Variants in RASA3 observed in about 807,000 individuals in gnomAD.
The protein encoded by RASA3 is ras GTPase-activating protein 3.
In RASA3, 73 loss-of-function variants were observed where a neutral mutation model predicts 110.0. The observed-to-expected ratio is 0.66, with a 90% CI of 0.55 to 0.81. RASA3 has a LOEUF of 0.81. Among genes scored for constraint, RASA3 ranks in the 30% least tolerant of loss-of-function variants. The pLI is 0.00. For synonymous variants in RASA3, 500 were observed against 451.4 expected, an observed-to-expected ratio of 1.11 and a Z score of -1.37; for missense variants, 976 against 1,113.2, an observed-to-expected ratio of 0.88 and a Z score of 1.75.
intron 1 of RASA3, among the ~76,000 whole-genome samples, chr13:114,090,702 G>A (rs1405792861): frequency 2.0e-5 from 3 of 152,218 alleles, no homozygotes; most frequent in Non-Finnish European, 2.9e-5. Context: ...GGGCACGGGC[G>A]TCTCTGCAGC....
At chr13:113,990,612 T>C (rs935444309) in intron 22 of RASA3, among the ~76,000 whole-genome samples, 7 of 152,228 alleles carry the variant, frequency 4.6e-5, no homozygotes, top group African/African-American at 1.7e-4. Context: ...ATCTTCACAG[T>C]ATCCAGGGAC....
At chr13:114,007,351 CCCTCCTGCCCTGCCGG>C (rs2053534624) in intron 18 of RASA3, among the ~76,000 whole-genome samples, 166 bp downstream of exon 18, 2 of 47,856 alleles carry the variant, frequency 4.2e-5, no homozygotes, top group African/African-American at 2.7e-4. Flanking sequence ...CCCTTCTCCC[CCCTCCTGCCCTGCCGG>C]ACGCCACCTT....
At chr13:114,054,798 T>A (rs2079208906) in intron 2 of RASA3, among the ~76,000 whole-genome samples, 1 of 152,378 alleles carries the variant, frequency 6.6e-6, no homozygotes, top group East Asian at 1.9e-4. Context: ...TCCTGGTTAA[T>A]GAAGGCCCAT....
chr13:114,051,954 C>G, intron 3 of RASA3, 98 bp downstream of exon 3: 1 of 953,650 alleles, frequency 1.0e-6, no homozygotes, highest in Non-Finnish European at 1.6e-6. Flanking sequence ...TGCAGCGACC[C>G]CTCAGCACCA....
In RASA3 at chr13:113,978,075, T is replaced by A. The variant is rs1027704619; in HGVS notation, c.*1272A>T. 3.3e-5 allele frequency: 5 copies of A among 152,186 alleles called. No homozygotes were observed. Among genetic ancestry groups the A allele is most frequent in the African/African-American group, 9.7e-5 (4 of 41,430 alleles). 9.4% of individuals were successfully genotyped at this position (152,186 alleles called of 1,614,324 possible). On this transcript the variant is annotated 3_prime_UTR_variant, in exon 24 of 24. Transcript: ENST00000334062. ...TCGTGCTGTGTATTTAAACGGCGCTTCCCACACACCTGCCGTCTGCATCCC... is the reference window on the plus strand; with the variant it reads ...TCGTGCTGTGTATTTAAACGGCGCTACCCACACACCTGCCGTCTGCATCCC...
chr13:113,996,120 C>T (rs117821387), intron 21 of RASA3, among the ~76,000 whole-genome samples: 19,166 of 148,050 alleles, frequency 0.13, 1,675 homozygotes, highest in Middle Eastern at 0.21. Context: ...GATGGGGGGC[C>T]GGGAAGACAA....
intron 12 of RASA3, 69 bp downstream of exon 12, chr13:114,017,168 C>T: frequency 7.2e-7 from 1 of 1,393,872 alleles, no homozygotes; most frequent in Non-Finnish European, 1.0e-6. Flanking sequence ...GATCCCAGTG[C>T]AGTGCCCTCT....
intron 1 of RASA3, among the ~76,000 whole-genome samples, chr13:114,117,751 G>GGGGTGCACGTGTGTGAA (rs2080311205): frequency 7.1e-6 from 1 of 140,556 alleles, no homozygotes; most frequent in Non-Finnish European, 1.5e-5. Context: ...ACGTGTGTGA[G>GGGGTGCACGTGTGTGAA]GGATGCACGT....
chr13:114,087,568 G>A (rs1594441367), intron 1 of RASA3, among the ~76,000 whole-genome samples: 4 of 152,358 alleles, frequency 2.6e-5, no homozygotes, highest in Middle Eastern at 3.4e-3. Flanking sequence ...CACCCGCTCT[G>A]CAGCCCCGGC....
chr13:114,062,694 C>T (rs1457983606), intron 2 of RASA3, among the ~76,000 whole-genome samples: 1 of 152,112 alleles, frequency 6.6e-6, no homozygotes, highest in South Asian at 2.1e-4. Context: ...CTCGGACACG[C>T]GTGCTCACAG....
rs748657787 is a variant in RASA3, at chr13:113,996,676, T to C, written c.1996A>G (p.Lys666Glu). Residue 666 changes from lysine to glutamate, a missense_variant, in exon 21 of 24, where the codon AAG (lysine) becomes GAG (glutamate). Lys to Glu is a moderately conservative substitution (Grantham distance 56). This residue lies in a region of RASA3 where 109 missense variants were observed against 162.5 expected (regional missense o/e 0.67). Coordinates refer to ENST00000334062, the MANE Select transcript of RASA3 (RefSeq NM_007368.4). Reference protein sequence around the residue: ...YIQANNCVEAKDWIDILTKVS... With the variant: ...YIQANNCVEAEDWIDILTKVS... ...TTGGTGAGAATGTCGATCCAGTCCT[T>C]GGCCTCCACGCAGTTGTTGGCCTGG... The C allele has an allele frequency of 9.3e-6, 15 of 1,613,716 alleles. No homozygotes were observed. The Admixed American group carries it at 2.0e-4, about 22-fold the overall frequency.
At chr13:114,052,718 G>C (rs531610272) in intron 2 of RASA3, among the ~76,000 whole-genome samples, 1 of 149,490 alleles carries the variant, frequency 6.7e-6, no homozygotes, top group African/African-American at 2.5e-5. Flanking sequence ...TAGAGTCCTC[G>C]CTCCTGGGGG....
chr13:114,081,219 G>GAGATGCTGC (rs2079784141), intron 1 of RASA3, among the ~76,000 whole-genome samples: 1 of 151,566 alleles, frequency 6.6e-6, no homozygotes, highest in African/African-American at 2.4e-5. Flanking sequence ...GGCCACACAG[G>GAGATGCTGC]AGATGCTGCC....
At position 114,053,012 on chromosome 13, in the gene RASA3, C is replaced by A. The variant is rs376071072; in HGVS notation, c.174-857G>T. Among the ~76,000 whole-genome samples, 59 of 141,158 alleles carry A rather than the reference C, an allele frequency of 4.2e-4. No individual in the cohort carries two copies. The East Asian group carries it at 8.3e-3, about 20-fold the overall frequency. 92.6% of individuals were successfully genotyped at this position (141,158 alleles called of 152,430 possible). On this transcript the variant is annotated intron_variant, in intron 2 of 23. Coordinates refer to ENST00000334062, the MANE Select transcript of RASA3 (RefSeq NM_007368.4). ...AGTCCTCGCTCCTGGGGGAGAGACC[C>A]CCGCTGCTGACTGTGCTTAGAGTCC...
chr13:114,100,423 T>C (rs2080041939), intron 1 of RASA3, among the ~76,000 whole-genome samples: 1 of 152,160 alleles, frequency 6.6e-6, no homozygotes, highest in Admixed American at 6.5e-5. Context: ...TTGGTCAGCG[T>C]GGCCTGGAAA....
At chr13:114,102,768 G>T (rs992113963) in intron 1 of RASA3, among the ~76,000 whole-genome samples, 3 of 152,180 alleles carry the variant, frequency 2.0e-5, no homozygotes, top group Non-Finnish European at 4.4e-5. Flanking sequence ...TCTGTCCTAT[G>T]GTCTCCGGGG....
At position 114,102,351 on chromosome 13, in the gene RASA3, C is replaced by T. The variant is rs530918071; in HGVS notation, c.56-28514G>A. Among the ~76,000 whole-genome samples, 17 of 152,094 alleles carry T rather than the reference C, an allele frequency of 1.1e-4. 1 individual carries two copies. Among genetic ancestry groups the T allele is most frequent in the African/African-American group, 4.1e-4 (17 of 41,482 alleles). On this transcript the variant is annotated intron_variant, in intron 1 of 23. Transcript: ENST00000334062. Reference sequence around the variant, plus strand: ...ACCGAACCAGACTGTCGGACCTGTGCTGGGGGAGAGCGAGAGTGAAGGAGG... The same window carrying T: ...ACCGAACCAGACTGTCGGACCTGTGTTGGGGGAGAGCGAGAGTGAAGGAGG...
chr13:114,104,907 G>A (rs185966914), intron 1 of RASA3, among the ~76,000 whole-genome samples: 6 of 106,448 alleles, frequency 5.6e-5, no homozygotes, highest in Admixed American at 1.1e-4. Context: ...ACACACGTTC[G>A]CCCCCTCCCC....
intron 5 of RASA3, among the ~76,000 whole-genome samples, 163 bp from the exon 6 acceptor site, chr13:114,028,090 G>A (rs979715590): frequency 2.7e-4 from 41 of 152,170 alleles, no homozygotes; most frequent in African/African-American, 9.9e-4. Flanking sequence ...TCGGTGTGAC[G>A]CTGAATCACG....
Sources: gnomAD v4.1 joint callset for allele counts (sites outside exome capture counted in the v4.1 genomes callset) on GRCh38, gnomAD v4.1.1 for gene constraint, gnomAD v4.1.1 regional missense constraint, MANE v1.5 for transcripts, NCBI Gene and HGNC (gene_info 2026-07-23, HGNC 2026-07-21) for gene names.